The following SLC2A9 variants were observed in gnomAD, a reference collection of about 807,000 sequenced individuals.
The protein encoded by SLC2A9 is solute carrier family 2 member 9, also known as solute carrier family 2, facilitated glucose transporter member 9.
In SLC2A9, 39 loss-of-function variants were observed where a neutral mutation model predicts 50.6. The observed-to-expected ratio is 0.77, with a 90% CI of 0.60 to 1.01. The LOEUF (loss-of-function observed/expected upper bound fraction) is 1.01, where lower values mean the gene tolerates loss of function less well. Among genes scored for constraint, SLC2A9 ranks in the 50% least tolerant of loss-of-function variants. SLC2A9 has a pLI of 0.00. For synonymous variants in SLC2A9, 324 were observed against 276.9 expected, an observed-to-expected ratio of 1.17 and a Z score of -1.69; for missense variants, 686 against 677.6, an observed-to-expected ratio of 1.01 and a Z score of -0.14.
intron 1 of SLC2A9, among the ~76,000 whole-genome samples, chr4:9,771,671 C>T (rs527900200): frequency 4.6e-5 from 7 of 152,358 alleles, no homozygotes; most frequent in South Asian, 4.1e-4. Context: ...AAGTCAGCAC[C>T]GAGCGAACAG....
At chr4:9,980,777 T>TC in intron 4 of SLC2A9, 40 bp from the exon 5 acceptor site, 1 of 1,613,998 alleles carries the variant, frequency 6.2e-7, no homozygotes, top group African/African-American at 1.3e-5. Flanking sequence ...AGAGGTGTCT[T>TC]CCCGGGGGAG....
At chr4:9,926,559 T>TAATA (rs1244475336) in intron 6 of SLC2A9, among the ~76,000 whole-genome samples, 1 of 151,892 alleles carries the variant, frequency 6.6e-6, no homozygotes, top group Non-Finnish European at 1.5e-5. Context: ...ATTATGAATA[T>TAATA]ACATGCTATC....
At chr4:9,979,548 C>T (rs1755356750) in intron 5 of SLC2A9, among the ~76,000 whole-genome samples, 1 of 152,100 alleles carries the variant, frequency 6.6e-6, no homozygotes, top group Non-Finnish European at 1.5e-5. Flanking sequence ...AGTCCAGTGG[C>T]CTCTTTATCC....
At chr4:9,992,898 GGTTT>G (rs1014846102) in intron 3 of SLC2A9, among the ~76,000 whole-genome samples, 10 of 152,132 alleles carry the variant, frequency 6.6e-5, no homozygotes, top group African/African-American at 2.4e-4. Context: ...CCCTCAGGTG[GGTTT>G]GTTTATCTGC....
chr4:9,861,424 C>T (rs1222811457), intron 10 of SLC2A9, among the ~76,000 whole-genome samples: 2 of 152,088 alleles, frequency 1.3e-5, no homozygotes, highest in Non-Finnish European at 2.9e-5. Flanking sequence ...ATCCAATCAC[C>T]TCCCACCATG....
At chr4:9,829,710 A>ACAGATGCT (rs1725749507) in intron 11 of SLC2A9, among the ~76,000 whole-genome samples, 1 of 152,222 alleles carries the variant, frequency 6.6e-6, no homozygotes, top group African/African-American at 2.4e-5. Context: ...AAGGACACAC[A>ACAGATGCT]CAGATGCTTC....
chr4:9,827,425 T>C (rs1577413121), intron 11 of SLC2A9, among the ~76,000 whole-genome samples: 1 of 152,248 alleles, frequency 6.6e-6, no homozygotes, highest in South Asian at 2.1e-4. Flanking sequence ...GACTATTATA[T>C]GCAACAAACA....
At chr4:9,899,623 T>C (rs1739224344) in intron 8 of SLC2A9, among the ~76,000 whole-genome samples, 1 of 152,202 alleles carries the variant, frequency 6.6e-6, no homozygotes, top group Non-Finnish European at 1.5e-5. Flanking sequence ...ACAAACTTTT[T>C]TGGGAATTTC....
rs1280333333 is a variant in SLC2A9 at position 10,036,177 on chromosome 4, TC to T, written c.-41+3952del. On this transcript the variant is annotated intron_variant, in intron 1 of 12. Coordinates refer to the SLC2A9 transcript ENST00000309065. Reference sequence around the variant, plus strand: ...AACAGATTATAACACGTTTTCTGTCTCCCTGGAGAACCCTGAGTAAACTACA... The same window carrying T: ...AACAGATTATAACACGTTTTCTGTCTCCTGGAGAACCCTGAGTAAACTACA... The T allele has an allele frequency of 2.0e-5, 3 of 153,234 alleles. No individual in the cohort carries two copies. In the Admixed American group the frequency reaches 2.0e-4, roughly 10 times the overall value. The allele number at this position is 153,234 out of a possible 1,614,324, so 9.5% of individuals were successfully genotyped here.
intron 10 of SLC2A9, among the ~76,000 whole-genome samples, chr4:9,848,097 T>G (rs1008071696): frequency 3.9e-5 from 6 of 152,168 alleles, no homozygotes; most frequent in Admixed American, 3.3e-4. Context: ...CTAGCCTGAT[T>G]GACTGCTCTA....
intron 1 of SLC2A9, among the ~76,000 whole-genome samples, chr4:9,774,328 G>C (rs1486457481): frequency 1.3e-5 from 2 of 152,194 alleles, no homozygotes; most frequent in Non-Finnish European, 2.9e-5. Flanking sequence ...TTGGAAAGCA[G>C]GGAGAATGTT....
At chr4:9,863,023 A>T (rs1731895455) in intron 10 of SLC2A9, among the ~76,000 whole-genome samples, 2 of 152,066 alleles carry the variant, frequency 1.3e-5, no homozygotes, top group African/African-American at 4.8e-5. Context: ...CAGGGAGGCC[A>T]ACTGTTATCA....
rs148395010 is a variant in SLC2A9 at position 9,915,363 on chromosome 4, G to A, written c.1002+5022C>T. On this transcript the variant is annotated intron_variant, in intron 7 of 11. Transcript: ENST00000264784. ...AGTGATTCTCCTGCCTCAGCCTCCT[G>A]AGTATCTGGGATTACAGGCATGTGC... Among the ~76,000 whole-genome samples, 372 of 152,280 alleles carry A rather than the reference G, an allele frequency of 2.4e-3. 1 individual carries two copies. Among genetic ancestry groups the A allele is most frequent in the Non-Finnish European group, 3.9e-3 (263 of 68,006 alleles).
chr4:9,928,166 C>T (rs369912491), intron 6 of SLC2A9, among the ~76,000 whole-genome samples: 163 of 152,274 alleles, frequency 1.1e-3, no homozygotes, highest in African/African-American at 3.8e-3. Context: ...TAACAACTCC[C>T]ACACAAAGAA....
chr4:9,891,130 G>A (rs1737332395), intron 8 of SLC2A9, among the ~76,000 whole-genome samples: 1 of 152,186 alleles, frequency 6.6e-6, no homozygotes, highest in African/African-American at 2.4e-5. Flanking sequence ...GGGCACAGGG[G>A]TGGGAGTAGG....
rs1264660792 is a variant in SLC2A9 at position 10,018,702 on chromosome 4, G to C, written c.249+273C>G. ...AGGATCGCCCCCCACCCCACCCCGG[G>C]ACTTCCGAAGCCCCCTCTCATCTAG... On this transcript the variant is annotated intron_variant, in intron 2 of 11. Transcript: ENST00000264784. 2.6e-5 allele frequency among the ~76,000 whole-genome samples: 4 copies of C among 151,974 alleles called. No homozygotes were observed. In the East Asian group the frequency reaches 7.7e-4, roughly 29 times the overall value.
chr4:9,808,507 T>A (rs1375542511), intron 3 of SLC2A9, among the ~76,000 whole-genome samples: 1 of 152,142 alleles, frequency 6.6e-6, no homozygotes, highest in East Asian at 1.9e-4. Flanking sequence ...TCAGTAATAA[T>A]AATTATTGTA....
At chr4:9,904,421 T>C (rs1740253060) in intron 8 of SLC2A9, among the ~76,000 whole-genome samples, 1 of 152,108 alleles carries the variant, frequency 6.6e-6, no homozygotes, top group Admixed American at 6.5e-5. Context: ...CACATCTCCT[T>C]CTCTGACTCT....
chr4:9,774,251 C>G (rs1056904103), intron 1 of SLC2A9, among the ~76,000 whole-genome samples: 3 of 152,094 alleles, frequency 2.0e-5, no homozygotes, highest in African/African-American at 7.2e-5. Flanking sequence ...ACCTCGGCCC[C>G]TAAAGTGCTG....
Sources: gnomAD v4.1 joint callset for allele counts (sites outside exome capture counted in the v4.1 genomes callset) on GRCh38, gnomAD v4.1.1 for gene constraint, MANE v1.5 for transcripts, NCBI Gene and HGNC (gene_info 2026-07-23, HGNC 2026-07-21) for gene names.